The following LPA variants were observed in gnomAD, a reference collection of about 807,000 sequenced individuals.
LPA encodes apolipoprotein(a).
LPA carries 199 observed loss-of-function variants against 197.9 expected under a neutral mutation model. That is an observed-to-expected ratio of 1.01 (90% CI 0.90 to 1.13). The LOEUF (loss-of-function observed/expected upper bound fraction) is 1.13. Ranked by LOEUF, LPA falls within the 50% of genes most tolerant of loss-of-function variation. LPA has a pLI of 0.00. For synonymous variants in LPA, 715 were observed against 639.5 expected (o/e 1.12, Z -1.78); for missense variants, 1,853 against 1,785.8 (o/e 1.04, Z -0.68).
intron 16 of LPA, among the ~76,000 whole-genome samples, chr6:160,611,191 C>A (rs950814070): frequency 6.6e-6 from 1 of 152,154 alleles, no homozygotes; most frequent in African/African-American, 2.4e-5. Context: ...AAAAGGCAAA[C>A]ACAATCTTCC....
intron 28 of LPA, among the ~76,000 whole-genome samples, chr6:160,570,477 G>T (rs1167381681): frequency 6.6e-6 from 1 of 152,160 alleles, no homozygotes; most frequent in Admixed American, 6.5e-5. Flanking sequence ...ACACACCGGG[G>T]CCTGTCATGG....
intron 6 of LPA, 53 bp from the exon 7 acceptor site, chr6:160,635,357 C>CAAA: frequency 1.3e-6 from 1 of 750,510 alleles, no homozygotes; most frequent in Non-Finnish European, 2.0e-6. Context: ...CATGCAGGGG[C>CAAA]ACCCCACACT....
At chr6:160,658,710 G>T (rs1324161763) in intron 1 of LPA, among the ~76,000 whole-genome samples, 5 of 152,120 alleles carry the variant, frequency 3.3e-5, no homozygotes, top group African/African-American at 7.2e-5. Flanking sequence ...ATTAGAAGTA[G>T]AGTCCTTAGC....
At chr6:160,585,265 A>T in intron 25 of LPA, 60 bp from the exon 26 acceptor site, 1 of 1,522,804 alleles carries the variant, frequency 6.6e-7, no homozygotes, top group South Asian at 1.1e-5. Flanking sequence ...TGTGAAAAAA[A>T]TTATGACACA....
At chr6:160,553,937 C>CTGTGTGTGTGTGTGTG (rs59853609) in intron 30 of LPA, among the ~76,000 whole-genome samples, 4,623 of 139,012 alleles carry the variant, frequency 0.033, 140 homozygotes, top group East Asian at 0.12. Context: ...CTCTCTCTCT[C>CTGTGTGTGTGTGTGTG]TGTGTGTGTG....
At chr6:160,554,971 T>G (rs1778230125) in intron 30 of LPA, among the ~76,000 whole-genome samples, 3 of 152,082 alleles carry the variant, frequency 2.0e-5, no homozygotes, top group African/African-American at 7.2e-5. Flanking sequence ...TTCATTTCCT[T>G]TTCTAAATTA....
At chr6:160,553,421 A>G (rs987512633) in intron 30 of LPA, among the ~76,000 whole-genome samples, 3 of 152,178 alleles carry the variant, frequency 2.0e-5, no homozygotes, top group Admixed American at 6.5e-5. Flanking sequence ...AGGTGGCAGA[A>G]TACGTATTTA....
At chr6:160,610,925 G>T (rs1779491563) in intron 16 of LPA, among the ~76,000 whole-genome samples, 1 of 152,128 alleles carries the variant, frequency 6.6e-6, no homozygotes, top group Admixed American at 6.5e-5. Flanking sequence ...ATGGCCAAAT[G>T]ATTGGCCATG....
intron 26 of LPA, among the ~76,000 whole-genome samples, chr6:160,581,848 TA>T (rs1310208110): frequency 6.6e-6 from 1 of 152,204 alleles, no homozygotes. Flanking sequence ...GATGTGTCTT[TA>T]TTTAGATCTT....
At chr6:160,663,273 A>G (rs1320465184) in intron 1 of LPA, among the ~76,000 whole-genome samples, 1 of 152,134 alleles carries the variant, frequency 6.6e-6, no homozygotes, top group African/African-American at 2.4e-5. Context: ...GTTTAGATTT[A>G]TTTTTTCAAA....
At chr6:160,654,043 A>ATATATAAT (rs1562354908) in intron 1 of LPA, among the ~76,000 whole-genome samples, 1 of 7,170 alleles carries the variant, frequency 1.4e-4, no homozygotes, top group African/African-American at 7.4e-4. Flanking sequence ...TATTATATAT[A>ATATATAAT]ATATATAATA....
chr6:160,561,078 T>C (rs1018723338), intron 28 of LPA, among the ~76,000 whole-genome samples: 1 of 151,970 alleles, frequency 6.6e-6, no homozygotes, highest in African/African-American at 2.4e-5. Context: ...CCCAGCTAAT[T>C]TTTTGTATTT....
intron 16 of LPA, among the ~76,000 whole-genome samples, chr6:160,609,999 T>C (rs1176561970): frequency 1.3e-5 from 2 of 152,204 alleles, no homozygotes; most frequent in African/African-American, 4.8e-5. Context: ...TCTATACTAT[T>C]AATTTGTCTT....
chr6:160,653,227 C>A (rs546435868), intron 1 of LPA, among the ~76,000 whole-genome samples: 20 of 152,106 alleles, frequency 1.3e-4, no homozygotes, highest in Admixed American at 1.1e-3. Context: ...ATCAAGAAGA[C>A]CTAACAATCC....
At chr6:160,611,189 A>T (rs923264178) in intron 16 of LPA, among the ~76,000 whole-genome samples, 1 of 152,170 alleles carries the variant, frequency 6.6e-6, no homozygotes, top group African/African-American at 2.4e-5. Flanking sequence ...AGAAAAGGCA[A>T]ACACAATCTT....
intron 6 of LPA, among the ~76,000 whole-genome samples, chr6:160,635,917 T>C (rs1248132947): frequency 2.0e-4 from 13 of 64,558 alleles, no homozygotes; most frequent in Admixed American, 3.4e-4. Context: ...GTTTAGTAGG[T>C]TTGTTTCTCC....
intron 33 of LPA, among the ~76,000 whole-genome samples, chr6:160,544,543 A>G (rs753354703): frequency 6.6e-6 from 1 of 152,164 alleles, no homozygotes; most frequent in Middle Eastern, 3.4e-3. Context: ...GGCTCCCATG[A>G]TCTTCATCAC....
chr6:160,601,440 G>A (rs747880974), intron 18 of LPA, among the ~76,000 whole-genome samples: 11 of 152,096 alleles, frequency 7.2e-5, no homozygotes, highest in Non-Finnish European at 1.6e-4. Flanking sequence ...GGATTTTGAC[G>A]TGTGTATTGT....
intron 1 of LPA, among the ~76,000 whole-genome samples, chr6:160,655,421 C>G (rs897671512): frequency 6.6e-6 from 1 of 152,214 alleles, no homozygotes; most frequent in Non-Finnish European, 1.5e-5. Context: ...GCAGCTTTCA[C>G]AGCAGCCTGG....
Sources: allele counts gnomAD v4.1 joint callset (sites outside exome capture counted in the v4.1 genomes callset), GRCh38; gene constraint gnomAD v4.1.1; transcripts MANE v1.5; gene names NCBI Gene and HGNC (gene_info 2026-07-23, HGNC 2026-07-21).